The following MICU1 variants were observed in gnomAD, a reference collection of about 807,000 sequenced individuals.
MICU1 encodes the protein mitochondrial calcium uptake 1, also known as calcium uptake protein 1, mitochondrial.
A neutral mutation model predicts 56.8 loss-of-function variants in MICU1; 45 were observed. The ratio of observed to expected loss-of-function variants is 0.79; its 90% CI spans 0.62 to 1.02. The LOEUF is 1.02. Ranked by LOEUF, MICU1 falls within the 50% of genes least tolerant of loss-of-function variation. MICU1 has a pLI of 0.00. For missense variants in MICU1, 504 were observed against 587.1 expected (o/e 0.86, Z 1.46); for synonymous variants, 186 against 195.1 (o/e 0.95, Z 0.39).
chr10:72,610,424 GTTAA>G, intron 1 of MICU1, among the ~76,000 whole-genome samples: 1 of 152,134 alleles, frequency 6.6e-6, no homozygotes, highest in South Asian at 2.1e-4. Context: ...GCCAAGGATG[GTTAA>G]TTAGAGAGAA....
chr10:72,457,191 G>A (rs1865498080), intron 8 of MICU1, among the ~76,000 whole-genome samples: 1 of 151,298 alleles, frequency 6.6e-6, no homozygotes, highest in Non-Finnish European at 1.5e-5. Flanking sequence ...AGAAGGAGTG[G>A]GTTAGAAACT....
chr10:72,509,493 G>A (rs1378307993), intron 5 of MICU1: 1 of 1,028,732 alleles, frequency 9.7e-7, no homozygotes, highest in Non-Finnish European at 1.3e-6. Flanking sequence ...CGTGAAGTCA[G>A]TTTGTATGAT....
intron 5 of MICU1, chr10:72,523,885 T>C: frequency 6.6e-7 from 1 of 1,518,534 alleles, no homozygotes; most frequent in Non-Finnish European, 8.8e-7. Context: ...TTTAGTTGCT[T>C]TTCCAAATTA....
At chr10:72,620,911 T>A (rs531446725) in intron 1 of MICU1, among the ~76,000 whole-genome samples, 7 of 152,334 alleles carry the variant, frequency 4.6e-5, no homozygotes, top group Non-Finnish European at 1.0e-4. Context: ...TCTACAGGTA[T>A]CCACTCTATC....
At chr10:72,524,223 C>G (rs1465031511) in intron 5 of MICU1, among the ~76,000 whole-genome samples, 1 of 152,062 alleles carries the variant, frequency 6.6e-6, no homozygotes, top group African/African-American at 2.4e-5. Context: ...TGGGATCAAG[C>G]GATCTTCCCA....
rs149761099 is a variant in MICU1, at chr10:72,508,554, C to T, written c.538-285G>A. ...GCACATATACAGGCCCACTTCAGAA[C>T]AGGTTTTGTTTCTTAGTTTGAAAAA... On this transcript the variant is annotated intron_variant, in intron 5 of 11. Coordinates refer to ENST00000361114, the MANE Select transcript of MICU1 (RefSeq NM_001195518.2). 6.3e-4 allele frequency: 129 copies of T among 204,090 alleles called. 1 individual carries two copies. The highest frequency in any genetic ancestry group is 2.6e-3 in the African/African-American group (115 of 43,676). The allele number at this position is 204,090 out of a possible 1,614,324, so 12.6% of individuals were successfully genotyped here. A position where few individuals can be genotyped will look rare whatever the true frequency, so the allele number is the denominator to read the frequency against.
intron 8 of MICU1, among the ~76,000 whole-genome samples, chr10:72,440,783 G>A (rs1047364610): frequency 6.6e-6 from 1 of 152,096 alleles, no homozygotes. Flanking sequence ...TATACAGCCA[G>A]CAGACACATG....
chr10:72,440,419 A>C (rs994458109), intron 8 of MICU1, among the ~76,000 whole-genome samples: 13 of 152,332 alleles, frequency 8.5e-5, no homozygotes, highest in African/African-American at 2.9e-4. Flanking sequence ...TAAAGACTTA[A>C]ATGTTAGACC....
chr10:72,580,978 A>C (rs1013643199), intron 1 of MICU1, among the ~76,000 whole-genome samples: 2 of 152,218 alleles, frequency 1.3e-5, no homozygotes, highest in African/African-American at 4.8e-5. Context: ...AAAAAAAGAC[A>C]ACAGAAAATC....
At chr10:72,599,682 CTTCT>C (rs929736654) in intron 1 of MICU1, among the ~76,000 whole-genome samples, 15 of 152,130 alleles carry the variant, frequency 9.9e-5, no homozygotes, top group South Asian at 8.3e-4. Flanking sequence ...CCTTCCCTCC[CTTCT>C]TTCTTCCTTC....
intron 6 of MICU1, among the ~76,000 whole-genome samples, chr10:72,498,572 T>C (rs189530554): frequency 3.9e-5 from 6 of 152,032 alleles, no homozygotes; most frequent in Admixed American, 2.6e-4. Flanking sequence ...GGTGACAGAA[T>C]AAGACTCTGT....
chr10:72,512,303 T>C (rs1259879300), intron 5 of MICU1, among the ~76,000 whole-genome samples: 1 of 151,752 alleles, frequency 6.6e-6, no homozygotes, highest in Non-Finnish European at 1.5e-5. Context: ...TAGAGATGGG[T>C]TTCACCATAT....
intron 6 of MICU1, among the ~76,000 whole-genome samples, chr10:72,485,667 T>G (rs1019408745): frequency 1.3e-5 from 2 of 151,910 alleles, no homozygotes; most frequent in Non-Finnish European, 2.9e-5. Context: ...CCAAAATGGT[T>G]ATAAAATAAT....
chr10:72,610,850 C>T (rs1430523336), intron 1 of MICU1, among the ~76,000 whole-genome samples: 1 of 152,130 alleles, frequency 6.6e-6, no homozygotes, highest in East Asian at 1.9e-4. Context: ...CAAATGGACA[C>T]TATGTAGTAC....
chr10:72,457,215 C>CTTT (rs372652226), intron 8 of MICU1, among the ~76,000 whole-genome samples: 7 of 131,828 alleles, frequency 5.3e-5, no homozygotes, highest in African/African-American at 8.6e-5. Flanking sequence ...TTACTTCCTA[C>CTTT]TTTTTTTTTT....
intron 1 of MICU1, among the ~76,000 whole-genome samples, chr10:72,624,964 C>T (rs988650897): frequency 1.3e-5 from 2 of 152,212 alleles, no homozygotes; most frequent in African/African-American, 4.8e-5. Context: ...TCTCAAGATA[C>T]TGACGTTTAT....
intron 5 of MICU1, among the ~76,000 whole-genome samples, chr10:72,529,946 CTTTTT>C (rs11338457): frequency 9.9e-6 from 1 of 100,800 alleles, no homozygotes; most frequent in Admixed American, 1.2e-4. Context: ...GGGGAAGGTG[CTTTTT>C]TTTTTTTTTT....
chr10:72,431,750 A>C (rs1402653556), intron 8 of MICU1, among the ~76,000 whole-genome samples: 1 of 152,208 alleles, frequency 6.6e-6, no homozygotes, highest in African/African-American at 2.4e-5. Flanking sequence ...AAAATGGTAG[A>C]GATAAACTAT....
chr10:72,419,771 T>A (rs1323723580), intron 9 of MICU1, among the ~76,000 whole-genome samples: 1 of 152,212 alleles, frequency 6.6e-6, no homozygotes, highest in African/African-American at 2.4e-5. Context: ...GTCTAATGAC[T>A]ATGGGAACCT....
Sources: gnomAD v4.1 joint callset for allele counts (sites outside exome capture counted in the v4.1 genomes callset) on GRCh38, gnomAD v4.1.1 for gene constraint, MANE v1.5 for transcripts, NCBI Gene and HGNC (gene_info 2026-07-23, HGNC 2026-07-21) for gene names.